The following ACBD5 variants were observed in gnomAD, a reference collection of about 807,000 sequenced individuals.
ACBD5 encodes acyl-CoA-binding domain-containing protein 5.
ACBD5 carries 40 observed loss-of-function variants against 71.8 expected under a neutral mutation model. The observed-to-expected ratio is 0.56, with a 90% CI of 0.43 to 0.72. The LOEUF (loss-of-function observed/expected upper bound fraction) is 0.72, where lower values mean the gene tolerates loss of function less well. Ranked by LOEUF, ACBD5 falls within the 30% of genes least tolerant of loss-of-function variation. The pLI, the probability that ACBD5 is intolerant of heterozygous loss-of-function variation, is 0.00. For missense variants in ACBD5, 559 were observed against 644.5 expected (o/e 0.87, Z 1.44); for synonymous variants, 229 against 218.6 (o/e 1.05, Z -0.42).
At chr10:27,223,772 C>A (rs926140125) in intron 4 of ACBD5, among the ~76,000 whole-genome samples, 1 of 151,774 alleles carries the variant, frequency 6.6e-6, no homozygotes, top group Non-Finnish European at 1.5e-5. Context: ...TAACCAGGCA[C>A]GGTGGTGTGT....
chr10:27,228,807 ATATATATATTTTT>A (rs1479370400), intron 4 of ACBD5, among the ~76,000 whole-genome samples: 49 of 6,826 alleles, frequency 7.2e-3, no homozygotes, highest in Admixed American at 0.014. Context: ...ATATATATAT[ATATATATATTTTT>A]TTTTTTTTTT....
At chr10:27,231,704 A>C (rs1405795060) in intron 4 of ACBD5, 44 bp downstream of exon 4, 1 of 1,552,192 alleles carries the variant, frequency 6.4e-7, no homozygotes, top group African/African-American at 1.4e-5. Context: ...ATTAAATTAG[A>C]GCTGCTCTGA....
chr10:27,207,239 G>A (rs919896946), intron 10 of ACBD5, among the ~76,000 whole-genome samples: 2 of 151,426 alleles, frequency 1.3e-5, no homozygotes, highest in Non-Finnish European at 2.9e-5. Context: ...TCCCGCCACT[G>A]CACTCCAGCC....
intron 8 of ACBD5, 82 bp from the exon 9 acceptor site, chr10:27,211,163 A>T: frequency 7.4e-7 from 1 of 1,355,050 alleles, no homozygotes; most frequent in Admixed American, 1.8e-5. Flanking sequence ...TAGGAGAAAT[A>T]CTGTTTTCCT....
Position 27,240,371 on chromosome 10 carries a change from G to C in ACBD5, c.129C>G (p.His43Gln). 6.2e-7 allele frequency: 1 copy of C among 1,614,004 alleles called. No individual in the cohort carries two copies. Among genetic ancestry groups the C allele is most frequent in the Non-Finnish European group, 8.5e-7 (1 of 1,180,000 alleles). Reference protein sequence around the residue: ...QLEMADTRSVHETRFEAAVKV... With the variant: ...QLEMADTRSVQETRFEAAVKV... ...TCACGGCCGCCTCAAACCTAGTCTC[G>C]TGCACGGATCTCGTGTCCGCCATCT... Residue 43 changes from histidine (H) to glutamine (Q), a missense_variant, in exon 2 of 13, where the codon CAC (histidine) becomes CAG (glutamine). Physicochemically the swap from His to Gln is conservative, Grantham distance 24. Coordinates refer to ENST00000396271, the MANE Select transcript of ACBD5 (RefSeq NM_145698.5). The surrounding 1 kb of genome is among the most constrained non-coding windows in gnomAD (Gnocchi z 4.1).
intron 13 of ACBD5, among the ~76,000 whole-genome samples, chr10:27,189,235 G>A (rs909545182): frequency 3.9e-5 from 6 of 152,094 alleles, no homozygotes; most frequent in African/African-American, 7.2e-5. Context: ...TTCTTTGTTG[G>A]CCAGGCTGGT....
At chr10:27,200,996 AC>A (rs11313820) in intron 12 of ACBD5, among the ~76,000 whole-genome samples, 122,795 of 151,764 alleles carry the variant, frequency 0.81, 50,035 homozygotes, top group African/African-American at 0.91. Context: ...TTATAGTGAG[AC>A]CCCCATCTCA....
At chr10:27,217,068 A>C (rs7920608) in intron 7 of ACBD5, among the ~76,000 whole-genome samples, 10,135 of 136,186 alleles carry the variant, frequency 0.074, 662 homozygotes, top group African/African-American at 0.18. Flanking sequence ...ATGGCGTGAA[A>C]CCAGGAGGCG....
At chr10:27,239,878 C>G (rs186025956) in intron 2 of ACBD5, among the ~76,000 whole-genome samples, 22 of 152,314 alleles carry the variant, frequency 1.4e-4, no homozygotes, top group African/African-American at 5.3e-4. Context: ...TCCCGAGTAG[C>G]TGGGACTACA....
At chr10:27,194,205 G>A (rs2059202974), downstream of ACBD5, among the ~76,000 whole-genome samples, 1 of 147,992 alleles carries the variant, frequency 6.8e-6, no homozygotes, top group Admixed American at 6.7e-5. Context: ...GAGCCGAGAC[G>A]GCACCATTGC....
chr10:27,241,887 G>A (rs550904225), upstream of ACBD5, among the ~76,000 whole-genome samples: 3 of 152,214 alleles, frequency 2.0e-5, no homozygotes, highest in South Asian at 2.1e-4. Flanking sequence ...CGTTGGTGGT[G>A]GGACTGACTA....
intron 4 of ACBD5, among the ~76,000 whole-genome samples, chr10:27,227,008 G>GATTTTT (rs1554854222): frequency 3.3e-4 from 6 of 18,288 alleles, no homozygotes; most frequent in African/African-American, 4.5e-4. Context: ...TTTTTTTTGC[G>GATTTTT]ATTTTTTTTT....
chr10:27,191,197 C>G (rs1483916381), downstream of ACBD5, among the ~76,000 whole-genome samples: 1 of 151,964 alleles, frequency 6.6e-6, no homozygotes, highest in Non-Finnish European at 1.5e-5. Flanking sequence ...TGGAAGAAGC[C>G]AGTCTGACAA....
downstream of ACBD5, among the ~76,000 whole-genome samples, chr10:27,194,710 G>A (rs1393559032): frequency 1.3e-5 from 2 of 151,300 alleles, no homozygotes; most frequent in Non-Finnish European, 2.9e-5. Flanking sequence ...TGTAAGAACT[G>A]AAACCGGCTG....
At chr10:27,241,022 AG>A (rs2065441682), upstream of ACBD5, 4 of 510,052 alleles carry the variant, frequency 7.8e-6, no homozygotes, top group South Asian at 9.0e-5. Context: ...TTTGTTCAGA[AG>A]GGGGAAACCG....
At chr10:27,236,818 G>A (rs1313152922) in intron 2 of ACBD5, among the ~76,000 whole-genome samples, 1 of 150,648 alleles carries the variant, frequency 6.6e-6, no homozygotes, top group African/African-American at 2.4e-5. Flanking sequence ...CTGGAAGACG[G>A]TGGTTGCAGT....
chr10:27,235,227 C>T lies in ACBD5; in HGVS notation c.182-15G>A. The T allele has an allele frequency of 1.2e-6, 2 of 1,613,646 alleles. No homozygotes were observed. The highest frequency in any genetic ancestry group is 1.1e-5 in the South Asian group (1 of 91,070). ...CTGGAATGAACCTGTTGGAAACACA[C>T]ATTAAATACAAATCACCTGGGGAAT... On this transcript the variant is annotated splice_polypyrimidine_tract_variant and intron_variant, in intron 2 of 12. Coordinates refer to ENST00000396271, the MANE Select transcript of ACBD5 (RefSeq NM_145698.5).
intron 4 of ACBD5, among the ~76,000 whole-genome samples, chr10:27,228,815 A>ATATATATATATATATATATTTTTTT (rs1554856598): frequency 4.9e-5 from 1 of 20,366 alleles, no homozygotes; most frequent in Non-Finnish European, 1.3e-4. Context: ...ATATATATAT[A>ATATATATATATATATATATTTTTTT]TTTTTTTTTT....
Position 27,240,639 on chromosome 10 carries a change from C to G in ACBD5, c.15+35G>C, listed in dbSNP as rs1173692571. 1 of 1,551,116 alleles carries G rather than the reference C, an allele frequency of 6.4e-7. No homozygotes were observed. The highest frequency in any genetic ancestry group is 1.2e-5 in the South Asian group (1 of 84,054). On this transcript the variant is annotated intron_variant, in intron 1 of 12. Transcript: ENST00000396271. This position sits in a 1 kb window ranked among gnomAD's most constrained non-coding sequence, Gnocchi z 4.1. Reference sequence around the variant, plus strand: ...CTCCCCCGGGGCGTGACTAAGGCCACGAATCCGGCCCGCGACGACAGCAAA... The same window carrying G: ...CTCCCCCGGGGCGTGACTAAGGCCAGGAATCCGGCCCGCGACGACAGCAAA...
Sources: gnomAD v4.1 joint callset for allele counts (sites outside exome capture counted in the v4.1 genomes callset) on GRCh38, gnomAD v4.1.1 for gene constraint, Gnocchi (gnomAD v3.1) non-coding constraint, MANE v1.5 for transcripts, NCBI Gene and HGNC (gene_info 2026-07-23, HGNC 2026-07-21) for gene names.